CDK19: variants seen among roughly 807,000 people sequenced by gnomAD.
CDK19 encodes the protein cyclin-dependent kinase 19.
In CDK19, 20 loss-of-function variants were observed where a neutral mutation model predicts 68.3. The ratio of observed to expected loss-of-function variants is 0.29; its 90% CI spans 0.21 to 0.43. CDK19 has a LOEUF of 0.43. Among genes scored for constraint, CDK19 ranks in the 20% least tolerant of loss-of-function variants. The pLI is 1.00. For missense variants in CDK19, 339 were observed against 623.5 expected, an observed-to-expected ratio of 0.54 and a Z score of 4.86; for synonymous variants, 221 against 222.8, an observed-to-expected ratio of 0.99 and a Z score of 0.07.
chr6:110,794,106 C>A (rs369718145), intron 1 of CDK19, among the ~76,000 whole-genome samples: 1 of 152,038 alleles, frequency 6.6e-6, no homozygotes, highest in East Asian at 1.9e-4. Context: ...AGTGCAGTGG[C>A]GCAATCTCAG....
At chr6:110,738,328 G>A (rs1306067832) in intron 2 of CDK19, among the ~76,000 whole-genome samples, 3 of 151,026 alleles carry the variant, frequency 2.0e-5, no homozygotes, top group African/African-American at 4.9e-5. Flanking sequence ...TGGCCAACAC[G>A]GTGAAACCCC....
intron 2 of CDK19, among the ~76,000 whole-genome samples, chr6:110,738,828 G>T (rs999431863): frequency 2.0e-5 from 3 of 147,290 alleles, no homozygotes; most frequent in Non-Finnish European, 4.5e-5. Context: ...TTACAAAGCA[G>T]CCTGCTACAC....
intron 1 of CDK19, among the ~76,000 whole-genome samples, chr6:110,768,871 G>C (rs12208424): frequency 0.035 from 5,266 of 152,088 alleles, 122 homozygotes; most frequent in Middle Eastern, 0.078. Flanking sequence ...CCCAAATGAA[G>C]GCCAGGCATG....
At chr6:110,745,275 G>C (rs1180667442) in intron 2 of CDK19, among the ~76,000 whole-genome samples, 1 of 152,000 alleles carries the variant, frequency 6.6e-6, no homozygotes, top group East Asian at 1.9e-4. Flanking sequence ...AGTAAGCCTG[G>C]TATCTAGTAC....
At chr6:110,623,031 C>T in intron 9 of CDK19, 119 bp from the exon 10 acceptor site, 1 of 737,344 alleles carries the variant, frequency 1.4e-6, no homozygotes, top group Non-Finnish European at 2.4e-6. Flanking sequence ...TAGCTCACTG[C>T]AGATTATGCA....
intron 2 of CDK19, among the ~76,000 whole-genome samples, chr6:110,743,038 C>T (rs1777795612): frequency 6.6e-6 from 1 of 152,148 alleles, no homozygotes; most frequent in Admixed American, 6.6e-5. Context: ...GGAGGCCCAG[C>T]TGTAAAATTC....
intron 4 of CDK19, among the ~76,000 whole-genome samples, chr6:110,644,135 T>C (rs1440058279): frequency 6.6e-6 from 1 of 151,458 alleles, no homozygotes; most frequent in East Asian, 1.9e-4. Context: ...CTACTGAAAA[T>C]ACAAAAATTA....
intron 1 of CDK19, among the ~76,000 whole-genome samples, chr6:110,804,449 TCTC>T (rs1401942790): frequency 6.6e-6 from 1 of 151,654 alleles, no homozygotes; most frequent in East Asian, 2.0e-4. Flanking sequence ...TTCAAGCGAT[TCTC>T]CTGCCTCAGA....
intron 4 of CDK19, among the ~76,000 whole-genome samples, chr6:110,643,940 T>C (rs1309591730): frequency 6.6e-6 from 1 of 151,902 alleles, no homozygotes; most frequent in Non-Finnish European, 1.5e-5. Flanking sequence ...TTAATTAAAT[T>C]AATTAAAAAT....
intron 1 of CDK19, among the ~76,000 whole-genome samples, chr6:110,780,290 T>C (rs372283922): frequency 1.8e-4 from 27 of 149,608 alleles, no homozygotes; most frequent in African/African-American, 6.4e-4. Context: ...CTCGGGAGAC[T>C]GAGGCAGAAG....
intron 2 of CDK19, among the ~76,000 whole-genome samples, chr6:110,715,292 CAA>C (rs1362683378): frequency 2.0e-5 from 3 of 152,110 alleles, no homozygotes; most frequent in Non-Finnish European, 4.4e-5. Flanking sequence ...GTGAAAAAGA[CAA>C]CATTATGCTA....
chr6:110,799,222 A>G (rs1782179998), intron 1 of CDK19, among the ~76,000 whole-genome samples: 1 of 142,940 alleles, frequency 7.0e-6, no homozygotes, highest in East Asian at 2.3e-4. Flanking sequence ...AACCACACAT[A>G]GAATACAAAG....
chr6:110,626,415 C>A (rs1333550907), intron 8 of CDK19, among the ~76,000 whole-genome samples: 2 of 152,114 alleles, frequency 1.3e-5, no homozygotes, highest in Non-Finnish European at 2.9e-5. Flanking sequence ...ATGTTTATGT[C>A]CCCTCCAAAA....
chr6:110,629,786 T>C (rs188848624), intron 6 of CDK19, among the ~76,000 whole-genome samples: 1 of 152,358 alleles, frequency 6.6e-6, no homozygotes, highest in Non-Finnish European at 1.5e-5. Context: ...ATTCTTTCTT[T>C]CTGTCTTAAC....
intron 1 of CDK19, among the ~76,000 whole-genome samples, chr6:110,792,871 A>G (rs532721089): frequency 1.3e-5 from 2 of 152,330 alleles, no homozygotes; most frequent in South Asian, 4.1e-4. Context: ...AGATTTAGCG[A>G]ATAAATAAAC....
intron 2 of CDK19, among the ~76,000 whole-genome samples, chr6:110,704,376 T>C (rs572576457): frequency 2.7e-4 from 41 of 152,272 alleles, no homozygotes; most frequent in African/African-American, 8.7e-4. Flanking sequence ...TCTTTACTAC[T>C]TACCTTACAT....
chr6:110,670,965 T>C (rs1006404765), intron 2 of CDK19, among the ~76,000 whole-genome samples: 1 of 152,194 alleles, frequency 6.6e-6, no homozygotes, highest in African/African-American at 2.4e-5. Flanking sequence ...GTATTAATAC[T>C]GCTTATATCT....
intron 2 of CDK19, among the ~76,000 whole-genome samples, chr6:110,713,069 C>T (rs1042592047): frequency 1.1e-4 from 16 of 151,684 alleles, no homozygotes; most frequent in East Asian, 1.9e-4. Flanking sequence ...TGGTGGCGCG[C>T]GCCTGTAATC....
rs143745572 is a variant in CDK19, at chr6:110,646,007, G to A, written c.457-7301C>T. 7.7e-4 allele frequency: 816 copies of A among 1,060,266 alleles called. 5 individuals carry two copies. The highest frequency in any genetic ancestry group is 1.8e-3 in the Middle Eastern group (9 of 5,010). The allele number at this position is 1,060,266 out of a possible 1,614,324, so 65.7% of individuals were successfully genotyped here. On this transcript the variant is annotated intron_variant, in intron 4 of 12. Transcript: ENST00000368911. The stretch of plus-strand genomic sequence containing the variant: ...GCGTCTTCAAGTATCTGGGCAAGCA[G>A]GGTGTGCGGTCGCGGGACCTGCGTG...
Sources: allele counts gnomAD v4.1 joint callset (sites outside exome capture counted in the v4.1 genomes callset), GRCh38; gene constraint gnomAD v4.1.1; transcripts MANE v1.5; gene names NCBI Gene and HGNC (gene_info 2026-07-23, HGNC 2026-07-21).